The following MAPKAP1 variants were observed in gnomAD, a reference collection of about 807,000 sequenced individuals.
MAPKAP1 encodes the protein MAPK associated protein 1.
Under a neutral mutation model 65.7 loss-of-function variants are expected in MAPKAP1, and 20 were observed. The observed-to-expected ratio is 0.30, with a 90% CI of 0.21 to 0.44. The LOEUF is 0.44. Among genes scored for constraint, MAPKAP1 ranks in the 20% least tolerant of loss-of-function variants. MAPKAP1 has a pLI of 1.00. For synonymous variants in MAPKAP1, 222 were observed against 244.3 expected (o/e 0.91, Z 0.85); for missense variants, 423 against 648.0 (o/e 0.65, Z 3.77).
chr9:125,680,946 T>G (rs541340605), intron 1 of MAPKAP1, among the ~76,000 whole-genome samples: 2 of 152,202 alleles, frequency 1.3e-5, no homozygotes, highest in African/African-American at 4.8e-5. Context: ...GAAACACAAG[T>G]GAAACAGTAA....
chr9:125,458,081 C>G (rs1176849468), intron 10 of MAPKAP1, among the ~76,000 whole-genome samples: 1 of 152,204 alleles, frequency 6.6e-6, no homozygotes, highest in Admixed American at 6.5e-5. Context: ...ACCTTTCTCT[C>G]AGGGATCACA....
At chr9:125,548,048 G>C (rs762752800) in intron 6 of MAPKAP1, among the ~76,000 whole-genome samples, 6 of 152,136 alleles carry the variant, frequency 3.9e-5, no homozygotes, top group Non-Finnish European at 8.8e-5. Flanking sequence ...TATGGGCTAG[G>C]TGCTGTTTTA....
chr9:125,636,864 C>T (rs1304240083), intron 4 of MAPKAP1, among the ~76,000 whole-genome samples: 1 of 152,210 alleles, frequency 6.6e-6, no homozygotes, highest in Non-Finnish European at 1.5e-5. Context: ...CTGTCTTACC[C>T]TAATCCACCA....
At chr9:125,453,494 G>A (rs1054096249) in intron 10 of MAPKAP1, among the ~76,000 whole-genome samples, 1 of 152,214 alleles carries the variant, frequency 6.6e-6, no homozygotes, top group African/African-American at 2.4e-5. Flanking sequence ...CCAGACTCCC[G>A]CAGATATGTT....
In MAPKAP1 at chr9:125,604,495, C is replaced by T. The variant is rs115868600; in HGVS notation, c.499-18768G>A. Among the ~76,000 whole-genome samples, 939 of 152,310 alleles carry T rather than the reference C, an allele frequency of 6.2e-3. 16 individuals carry two copies. The highest frequency in any genetic ancestry group is 0.022 in the African/African-American group (903 of 41,546). Reference sequence around the variant, plus strand: ...CCTTCTACCAGAGCAGGTAATTATACAACACAGCAGAGAAACACAATCCTA... The same window carrying T: ...CCTTCTACCAGAGCAGGTAATTATATAACACAGCAGAGAAACACAATCCTA... On this transcript the variant is annotated intron_variant, in intron 4 of 11. Coordinates refer to ENST00000265960, the MANE Select transcript of MAPKAP1 (RefSeq NM_001006617.3).
intron 10 of MAPKAP1, among the ~76,000 whole-genome samples, chr9:125,461,035 A>T (rs900959668): frequency 6.6e-6 from 1 of 152,218 alleles, no homozygotes; most frequent in African/African-American, 2.4e-5. Context: ...GGCCTGGCTG[A>T]GTTCTCAGGG....
At position 125,439,490 on chromosome 9, in the gene MAPKAP1, C is replaced by T. The variant is rs556760364; in HGVS notation, c.1444-478G>A. Reference sequence around the variant, plus strand: ...CACCAGCCAGGCGCAGAGCTTCCCACCACAGTGCTTCCTTCAGGGCTCATG... The same window carrying T: ...CACCAGCCAGGCGCAGAGCTTCCCATCACAGTGCTTCCTTCAGGGCTCATG... On this transcript the variant is annotated intron_variant, in intron 11 of 11. Coordinates refer to ENST00000265960, the MANE Select transcript of MAPKAP1 (RefSeq NM_001006617.3). The surrounding 1 kb of genome is among the most constrained non-coding windows in gnomAD (Gnocchi z 4.0). 3.3e-5 allele frequency among the ~76,000 whole-genome samples: 5 copies of T among 152,326 alleles called. No individual in the cohort carries two copies. In the South Asian group the frequency reaches 1.0e-3, roughly 32 times the overall value.
At chr9:125,687,422 T>C (rs943831776) in intron 1 of MAPKAP1, among the ~76,000 whole-genome samples, 7 of 152,134 alleles carry the variant, frequency 4.6e-5, no homozygotes, top group African/African-American at 1.7e-4. Context: ...GACTGTTTCC[T>C]CTACAGTGAA....
intron 7 of MAPKAP1, among the ~76,000 whole-genome samples, chr9:125,530,276 C>T (rs1490956629): frequency 6.6e-6 from 1 of 152,196 alleles, no homozygotes; most frequent in East Asian, 1.9e-4. Flanking sequence ...TCCTCTGGTG[C>T]AGACTGAGAC....
chr9:125,448,076 G>A (rs117833937), intron 10 of MAPKAP1, among the ~76,000 whole-genome samples: 1 of 152,178 alleles, frequency 6.6e-6, no homozygotes, highest in Non-Finnish European at 1.5e-5. Flanking sequence ...TGGGCAAACT[G>A]TGTTTTAGGG....
At chr9:125,571,494 T>C (rs940776168) in intron 5 of MAPKAP1, among the ~76,000 whole-genome samples, 1 of 152,196 alleles carries the variant, frequency 6.6e-6, no homozygotes, top group African/African-American at 2.4e-5. Context: ...GAATATCTAA[T>C]AGAACATAAG....
chr9:125,670,222 G>T (rs868232517), intron 2 of MAPKAP1, among the ~76,000 whole-genome samples: 14 of 151,928 alleles, frequency 9.2e-5, no homozygotes, highest in African/African-American at 3.4e-4. Context: ...CATTAATAAC[G>T]GTCTTAAAGG....
chr9:125,691,215 CG>C (rs1184281914), intron 1 of MAPKAP1, among the ~76,000 whole-genome samples: 1 of 152,048 alleles, frequency 6.6e-6, no homozygotes, highest in African/African-American at 2.4e-5. Flanking sequence ...GAGCCGAGAT[CG>C]CGCCACTGCA....
chr9:125,460,406 C>T (rs763961827), intron 10 of MAPKAP1, among the ~76,000 whole-genome samples: 31 of 151,990 alleles, frequency 2.0e-4, no homozygotes, highest in African/African-American at 6.0e-4. Flanking sequence ...TTAATACGTC[C>T]GAGGGAAAAA....
chr9:125,706,889 T>C (rs899742459), intron 1 of MAPKAP1, 82 bp downstream of exon 1: 2 of 380,054 alleles, frequency 5.3e-6, no homozygotes, highest in Non-Finnish European at 4.7e-6. Flanking sequence ...GCGCTGAAAC[T>C]GGAGGGGTGA....
chr9:125,442,395 A>G lies in MAPKAP1; in HGVS notation c.1443+2106T>C, dbSNP rs115057201. On this transcript the variant is annotated intron_variant, in intron 11 of 11. Coordinates refer to ENST00000265960, the MANE Select transcript of MAPKAP1 (RefSeq NM_001006617.3). ...CTGTAAAATGATTTCTCTGCACTTG[A>G]TCTTCCACAGTCTCATACTGAAGTC... 3.7e-3 allele frequency among the ~76,000 whole-genome samples: 570 copies of G among 152,268 alleles called. 6 individuals carry two copies. Among genetic ancestry groups the G allele is most frequent in the African/African-American group, 0.013 (547 of 41,552 alleles).
chr9:125,567,829 T>C (rs952998984), intron 5 of MAPKAP1: 1 of 152,198 alleles, frequency 6.6e-6, no homozygotes, highest in Admixed American at 6.5e-5. Flanking sequence ...TTTCTGGCAA[T>C]GACAGAAGTG....
At chr9:125,658,118 G>A (rs1020783766) in intron 3 of MAPKAP1, among the ~76,000 whole-genome samples, 2 of 145,632 alleles carry the variant, frequency 1.4e-5, no homozygotes, top group Non-Finnish European at 3.0e-5. Flanking sequence ...TGCTACTAAC[G>A]GCAAGCTATG....
chr9:125,608,938 T>TA (rs1409682100), intron 4 of MAPKAP1, among the ~76,000 whole-genome samples: 7 of 152,156 alleles, frequency 4.6e-5, no homozygotes, highest in Non-Finnish European at 7.4e-5. Context: ...AGCAAAAGGT[T>TA]AGATGGAGGT....
Sources: allele counts gnomAD v4.1 joint callset (sites outside exome capture counted in the v4.1 genomes callset), GRCh38; gene constraint gnomAD v4.1.1; non-coding constraint Gnocchi (gnomAD v3.1); transcripts MANE v1.5; gene names NCBI Gene and HGNC (gene_info 2026-07-23, HGNC 2026-07-21).